ERGIC1: variants seen among roughly 807,000 people sequenced by gnomAD.
The protein encoded by ERGIC1 is endoplasmic reticulum-Golgi intermediate compartment protein 1.
A neutral mutation model predicts 38.3 loss-of-function variants in ERGIC1; 19 were observed. The ratio of observed to expected loss-of-function variants is 0.50; its 90% CI spans 0.35 to 0.73. The LOEUF is 0.73. Among genes scored for constraint, ERGIC1 ranks in the 30% least tolerant of loss-of-function variants. The pLI is 0.01. For missense variants in ERGIC1, 294 were observed against 389.2 expected (o/e 0.76, Z 2.06); for synonymous variants, 124 against 157.6 (o/e 0.79, Z 1.60).
chr5:172,939,196 C>T (rs772006594), intron 9 of ERGIC1, among the ~76,000 whole-genome samples: 2 of 152,240 alleles, frequency 1.3e-5, no homozygotes, highest in Non-Finnish European at 2.9e-5. Context: ...CTGAATCATA[C>T]GCAGTCCCTG....
chr5:172,910,148 A>C (rs1763170318), intron 4 of ERGIC1, among the ~76,000 whole-genome samples: 1 of 152,180 alleles, frequency 6.6e-6, no homozygotes, highest in African/African-American at 2.4e-5. Context: ...CTGAAGTCCA[A>C]ACTCAGCCTG....
intron 1 of ERGIC1, among the ~76,000 whole-genome samples, chr5:172,853,662 C>CA (rs1761469550): frequency 6.6e-6 from 1 of 152,234 alleles, no homozygotes. Context: ...GTGTTCTAAG[C>CA]AGCCTCTCCA....
At chr5:172,854,894 C>T (rs1298236167) in intron 1 of ERGIC1, among the ~76,000 whole-genome samples, 1 of 152,182 alleles carries the variant, frequency 6.6e-6, no homozygotes, top group East Asian at 1.9e-4. Context: ...TTGTTTATAT[C>T]CATTAGCCTG....
intron 1 of ERGIC1, among the ~76,000 whole-genome samples, chr5:172,865,723 T>C (rs1761841317): frequency 6.6e-6 from 1 of 152,238 alleles, no homozygotes; most frequent in Non-Finnish European, 1.5e-5. Flanking sequence ...TGATCTGATC[T>C]GTGTGTGTTG....
At chr5:172,888,792 C>A in intron 2 of ERGIC1, 32 bp downstream of exon 2, 1 of 1,593,882 alleles carries the variant, frequency 6.3e-7, no homozygotes, top group Non-Finnish European at 8.6e-7. Context: ...ATGCCCTCTG[C>A]CCCATCTCCA....
At chr5:172,881,665 A>G (rs1015538991) in intron 1 of ERGIC1, among the ~76,000 whole-genome samples, 12 of 152,208 alleles carry the variant, frequency 7.9e-5, no homozygotes, top group Admixed American at 2.0e-4. Flanking sequence ...CTGTGGGGGA[A>G]AAGCAACAGG....
chr5:172,866,762 C>G (rs1761873588), intron 1 of ERGIC1, among the ~76,000 whole-genome samples: 1 of 152,258 alleles, frequency 6.6e-6, no homozygotes, highest in Non-Finnish European at 1.5e-5. Context: ...ACTCTCCAGT[C>G]TATTGTCTAG....
intron 9 of ERGIC1, chr5:172,935,583 G>T: frequency 2.5e-6 from 1 of 403,126 alleles, no homozygotes; most frequent in Admixed American, 3.6e-5. Context: ...TCTCCATATG[G>T]TTCCACTAGA....
chr5:172,888,865 G>A, intron 2 of ERGIC1, 105 bp downstream of exon 2: 1 of 1,106,520 alleles, frequency 9.0e-7, no homozygotes, highest in East Asian at 2.4e-5. Flanking sequence ...GGAAAGACAG[G>A]AGGGAGGAAA....
intron 3 of ERGIC1, among the ~76,000 whole-genome samples, chr5:172,900,620 G>A (rs1436712299): frequency 6.6e-6 from 1 of 151,904 alleles, no homozygotes; most frequent in East Asian, 1.9e-4. Flanking sequence ...TGAGGTGGGA[G>A]GATCACTTGA....
At chr5:172,923,929 C>A in intron 5 of ERGIC1, 76 bp from the exon 6 acceptor site, 2 of 1,303,278 alleles carry the variant, frequency 1.5e-6, no homozygotes, top group South Asian at 1.2e-5. Flanking sequence ...CTCCCTGGAT[C>A]ACACAGGGTG....
At chr5:172,862,307 C>CTAAA (rs1761724661) in intron 1 of ERGIC1, among the ~76,000 whole-genome samples, 1 of 49,480 alleles carries the variant, frequency 2.0e-5, no homozygotes, top group Non-Finnish European at 3.1e-5. Flanking sequence ...GACTACATCT[C>CTAAA]AAAAAAAAAA....
intron 1 of ERGIC1, among the ~76,000 whole-genome samples, chr5:172,871,425 A>G (rs1762004459): frequency 6.6e-6 from 1 of 152,324 alleles, no homozygotes; most frequent in South Asian, 2.1e-4. Context: ...TTTGCATGTC[A>G]TGATCTCCTT....
intron 6 of ERGIC1, among the ~76,000 whole-genome samples, chr5:172,924,324 G>A (rs1209957033): frequency 2.6e-5 from 4 of 152,208 alleles, no homozygotes; most frequent in South Asian, 2.1e-4. Flanking sequence ...CTCCTAGAGC[G>A]CCCAGCTGGT....
At chr5:172,839,016 G>A (rs548009302) in intron 1 of ERGIC1, among the ~76,000 whole-genome samples, 7 of 152,108 alleles carry the variant, frequency 4.6e-5, no homozygotes, top group African/African-American at 1.2e-4. Flanking sequence ...TGAGGTGGGC[G>A]GATTACCTGA....
Position 172,889,412 on chromosome 5 carries a change from A to T in ERGIC1, c.82+652A>T, listed in dbSNP as rs140033945. 4.8e-3 allele frequency among the ~76,000 whole-genome samples: 738 copies of T among 152,276 alleles called. 6 individuals carry two copies. The highest frequency in any genetic ancestry group is 0.017 in the African/African-American group (708 of 41,540). ...AAGCATGTTTTTATCCATTAAAAAAAAAAATCACAATCTCATCCAGACTTT... is the reference window on the plus strand; with the variant it reads ...AAGCATGTTTTTATCCATTAAAAAATAAAATCACAATCTCATCCAGACTTT... On this transcript the variant is annotated intron_variant, in intron 2 of 9. Transcript: ENST00000393784.
At chr5:172,849,017 A>T (rs1047778112) in intron 1 of ERGIC1, among the ~76,000 whole-genome samples, 5 of 152,150 alleles carry the variant, frequency 3.3e-5, no homozygotes, top group Admixed American at 2.0e-4. Flanking sequence ...GAACAGGAGT[A>T]AGGCAGCCGG....
At chr5:172,838,239 A>G (rs749387090) in intron 1 of ERGIC1, among the ~76,000 whole-genome samples, 15 of 152,334 alleles carry the variant, frequency 9.8e-5, no homozygotes, top group Non-Finnish European at 1.8e-4. Context: ...GATGAGGCCC[A>G]TAATTTGTGG....
rs950869303 is a variant in ERGIC1 at position 172,926,702 on chromosome 5, A to G, written c.541+133A>G. 1.0e-6 allele frequency: 1 copy of G among 953,892 alleles called. No homozygotes were observed. Among genetic ancestry groups the G allele is most frequent in the Non-Finnish European group, 1.6e-6 (1 of 619,228 alleles). The allele number at this position is 953,892 out of a possible 1,614,324, so 59.1% of individuals were successfully genotyped here. A position where few individuals can be genotyped will look rare whatever the true frequency, so the allele number is the denominator to read the frequency against. ...GCAGGGAGGCTGCTGCTCACACTCC[A>G]TTCCCACAGCTAACCAGTGGGAAGG... On this transcript the variant is annotated intron_variant, in intron 7 of 9. Transcript: ENST00000393784. This position sits in a 1 kb window ranked among gnomAD's most constrained non-coding sequence, Gnocchi z 5.2.
Sources: gnomAD v4.1 joint callset for allele counts (sites outside exome capture counted in the v4.1 genomes callset) on GRCh38, gnomAD v4.1.1 for gene constraint, Gnocchi (gnomAD v3.1) non-coding constraint, MANE v1.5 for transcripts, NCBI Gene and HGNC (gene_info 2026-07-23, HGNC 2026-07-21) for gene names.